The following TMEM132E variants were observed in gnomAD, a reference collection of about 807,000 sequenced individuals.
TMEM132E encodes the protein transmembrane protein 132E.
Under a neutral mutation model 78.5 loss-of-function variants are expected in TMEM132E, and 49 were observed. The observed-to-expected ratio is 0.62, with a 90% CI of 0.50 to 0.79. The LOEUF (loss-of-function observed/expected upper bound fraction) is 0.79. Among genes scored for constraint, TMEM132E ranks in the 30% least tolerant of loss-of-function variants. The probability of loss-of-function intolerance (pLI) is 0.00; values close to 1 mark genes in which losing one functional copy is unlikely to be tolerated. For missense variants in TMEM132E, 1,403 were observed against 1,470.9 expected, an observed-to-expected ratio of 0.95 and a Z score of 0.75; for synonymous variants, 715 against 670.6, an observed-to-expected ratio of 1.07 and a Z score of -1.02.
At chr17:34,581,253 A>G (rs1011291961) in intron 1 of TMEM132E, 110 bp downstream of exon 1, 99 of 1,038,658 alleles carry the variant, frequency 9.5e-5, no homozygotes, top group Non-Finnish European at 1.2e-4. Flanking sequence ...CGCAGCCGCC[A>G]CTCCGGGTTT....
At chr17:34,616,611 A>C (rs1230532506) in intron 1 of TMEM132E, among the ~76,000 whole-genome samples, 1 of 152,192 alleles carries the variant, frequency 6.6e-6, no homozygotes, top group African/African-American at 2.4e-5. Flanking sequence ...TGAGGGAGAC[A>C]CTAGCCTGTG....
At chr17:34,587,597 C>T (rs1905722342) in intron 1 of TMEM132E, among the ~76,000 whole-genome samples, 1 of 152,114 alleles carries the variant, frequency 6.6e-6, no homozygotes, top group South Asian at 2.1e-4. Context: ...CCTACCTCAG[C>T]CCCCAGGGTT....
chr17:34,599,836 G>C (rs1393323863), intron 1 of TMEM132E, among the ~76,000 whole-genome samples: 2 of 152,038 alleles, frequency 1.3e-5, no homozygotes, highest in African/African-American at 2.4e-5. Flanking sequence ...AGTGGGGAGG[G>C]GGCCAGAATC....
chr17:34,634,794 C>T lies in TMEM132E; in HGVS notation c.1689-5C>T. The T allele has an allele frequency of 6.2e-7, 1 of 1,609,894 alleles. No individual in the cohort carries two copies. Among genetic ancestry groups the T allele is most frequent in the Non-Finnish European group, 8.5e-7 (1 of 1,177,946 alleles). On this transcript the variant is annotated splice_polypyrimidine_tract_variant and splice_region_variant and intron_variant, in intron 6 of 8. Coordinates refer to ENST00000631683, the MANE Select transcript of TMEM132E (RefSeq NM_001304438.2). ...AGCCTTCAGCATGGCATGTCCCCAC[C>T]CCAGGTCAGTCCGGGAAAGCGAGGA... is the stretch of plus-strand genomic sequence containing the variant.
chr17:34,595,781 C>A (rs1334303683), intron 1 of TMEM132E, among the ~76,000 whole-genome samples: 1 of 152,142 alleles, frequency 6.6e-6, no homozygotes, highest in African/African-American at 2.4e-5. Flanking sequence ...GGCAGCAACG[C>A]CAACAATTGC....
Position 34,580,991 on chromosome 17 carries a change from C to A in TMEM132E, c.-86C>A. Reference sequence around the variant, plus strand: ...GAGACAGCCGGGCGCCACGGCAGCCCTGAGTTGGATGTGACCAAGCCCAGC... The same window carrying A: ...GAGACAGCCGGGCGCCACGGCAGCCATGAGTTGGATGTGACCAAGCCCAGC... On this transcript the variant is annotated 5_prime_UTR_variant, in exon 1 of 9. In the 5' UTR this introduces an upstream ATG that the reference lacks. Coordinates refer to ENST00000631683, the MANE Select transcript of TMEM132E (RefSeq NM_001304438.2). The A allele has an allele frequency of 8.4e-7, 1 of 1,188,786 alleles. No homozygotes were observed. The highest frequency in any genetic ancestry group is 1.1e-6 in the Non-Finnish European group (1 of 869,598). 73.6% of individuals were successfully genotyped at this position (1,188,786 alleles called of 1,614,324 possible). A position where few individuals can be genotyped will look rare whatever the true frequency, so the allele number is the denominator to read the frequency against.
In TMEM132E at chr17:34,637,950, C is replaced by T. The variant is rs375307089; in HGVS notation, c.2943C>T (p.Ser981=). 2.6e-3 allele frequency: 4,153 copies of T among 1,606,060 alleles called. 5 individuals are homozygous for T. The highest frequency in any genetic ancestry group is 2.9e-3 in the Non-Finnish European group (3,372 of 1,177,580). The change falls in exon 9 of 9, where the codon AGC becomes AGT. Residue 981 remains serine (S), a synonymous_variant. Coordinates refer to ENST00000631683, the MANE Select transcript of TMEM132E (RefSeq NM_001304438.2). Reference sequence around the variant, plus strand: ...GCAGCTCGCAGACCAGCGTCCAGAGCCAGGTGCACGGCAGGGGCGACGGCT... The same window carrying T: ...GCAGCTCGCAGACCAGCGTCCAGAGTCAGGTGCACGGCAGGGGCGACGGCT... ...SSGSSQTSVQ[S]QVHGRGDGSS...
chr17:34,620,258 C>T (rs1462180574), intron 1 of TMEM132E, among the ~76,000 whole-genome samples: 1 of 152,224 alleles, frequency 6.6e-6, no homozygotes, highest in African/African-American at 2.4e-5. Context: ...TGGGCAGGTA[C>T]CCCCAACCTC....
Position 34,626,948 on chromosome 17 carries a change from C to T in TMEM132E, c.889C>T (p.Arg297Cys), listed in dbSNP as rs990374344. ...EHRLDSNLMI[R>C]LPDRPLKPGE... is the part of the protein sequence containing the mutation. ...CAGGCTGGACAGCAACCTGATGATCCGCCTGCCAGACCGGCCCCTCAAGCC... is the reference window on the plus strand; with the variant it reads ...CAGGCTGGACAGCAACCTGATGATCTGCCTGCCAGACCGGCCCCTCAAGCC... Residue 297 changes from arginine to cysteine, a missense_variant, in exon 2 of 9, where the codon CGC becomes TGC. By Grantham distance (180) the Arg-to-Cys change is radical. Transcript: ENST00000631683. 13 of 1,613,716 alleles carry T rather than the reference C, an allele frequency of 8.1e-6. No individual in the cohort carries two copies. The highest frequency in any genetic ancestry group is 4.0e-5 in the African/African-American group (3 of 74,932).
At chr17:34,609,207 C>G (rs917579387) in intron 1 of TMEM132E, among the ~76,000 whole-genome samples, 8 of 152,144 alleles carry the variant, frequency 5.3e-5, no homozygotes, top group African/African-American at 1.9e-4. Flanking sequence ...CTGCATGTGG[C>G]CTGGAAGAGA....
At chr17:34,594,814 C>T (rs762019562) in intron 1 of TMEM132E, among the ~76,000 whole-genome samples, 3 of 152,176 alleles carry the variant, frequency 2.0e-5, no homozygotes, top group African/African-American at 7.2e-5. Context: ...GTTATCCAAG[C>T]TGGTCTTGAG....
intron 1 of TMEM132E, among the ~76,000 whole-genome samples, chr17:34,616,202 G>A (rs1346984855): frequency 6.6e-6 from 1 of 152,184 alleles, no homozygotes; most frequent in Non-Finnish European, 1.5e-5. Context: ...GCAGGCAGGA[G>A]GTCTCCTGGG....
At chr17:34,625,315 A>G (rs1423185983) in intron 1 of TMEM132E, among the ~76,000 whole-genome samples, 1 of 152,082 alleles carries the variant, frequency 6.6e-6, no homozygotes, top group African/African-American at 2.4e-5. Flanking sequence ...TGGGAGACTG[A>G]GGATAAAATT....
chr17:34,593,284 G>A (rs978066507), intron 1 of TMEM132E, among the ~76,000 whole-genome samples: 4 of 151,762 alleles, frequency 2.6e-5, no homozygotes, highest in East Asian at 1.9e-4. Context: ...AAATAAAAAC[G>A]TGTAATCAGT....
At chr17:34,613,192 C>CAA (rs1906655217) in intron 1 of TMEM132E, among the ~76,000 whole-genome samples, 1 of 117,312 alleles carries the variant, frequency 8.5e-6, no homozygotes, top group Non-Finnish European at 1.9e-5. Context: ...CACACACACA[C>CAA]ACACCCACAC....
intron 1 of TMEM132E, among the ~76,000 whole-genome samples, chr17:34,613,906 C>T (rs1207742070): frequency 6.6e-6 from 1 of 152,176 alleles, no homozygotes. Context: ...CTCCCCGCCC[C>T]CAAACACAAC....
chr17:34,632,424 C>A (rs549775868), intron 5 of TMEM132E, among the ~76,000 whole-genome samples: 1 of 152,368 alleles, frequency 6.6e-6, no homozygotes, highest in African/African-American at 2.4e-5. Flanking sequence ...GTGGCTCTGG[C>A]AGGTCAGGAA....
chr17:34,613,869 T>C (rs954211989), intron 1 of TMEM132E, among the ~76,000 whole-genome samples: 1 of 151,730 alleles, frequency 6.6e-6, no homozygotes, highest in African/African-American at 2.4e-5. Context: ...CCTCAGGAGG[T>C]TGTCCTTGCT....
intron 1 of TMEM132E, among the ~76,000 whole-genome samples, chr17:34,617,785 T>C (rs1906830833): frequency 6.6e-6 from 1 of 152,262 alleles, no homozygotes; most frequent in Non-Finnish European, 1.5e-5. Context: ...AAAAAAATTC[T>C]TGGAACAACT....
Sources: allele counts gnomAD v4.1 joint callset (sites outside exome capture counted in the v4.1 genomes callset), GRCh38; gene constraint gnomAD v4.1.1; transcripts MANE v1.5; gene names NCBI Gene and HGNC (gene_info 2026-07-23, HGNC 2026-07-21).